The following KCNMB4 variants were observed in gnomAD, a reference collection of about 807,000 sequenced individuals.
The protein encoded by KCNMB4 is potassium calcium-activated channel subfamily M regulatory beta subunit 4.
A neutral mutation model predicts 20.7 loss-of-function variants in KCNMB4; 3 were observed. The ratio of observed to expected loss-of-function variants is 0.14; its 90% CI spans 0.07 to 0.37. The LOEUF (loss-of-function observed/expected upper bound fraction) is 0.37, where lower values mean the gene tolerates loss of function less well. Ranked by LOEUF, KCNMB4 falls within the 10% of genes least tolerant of loss-of-function variation. The probability of loss-of-function intolerance (pLI) is 1.00; values close to 1 mark genes in which losing one functional copy is unlikely to be tolerated. For synonymous variants in KCNMB4, 110 were observed against 113.4 expected (o/e 0.97, Z 0.19); for missense variants, 168 against 265.9 (o/e 0.63, Z 2.56).
chr12:70,395,342 TTAAC>T (rs1868341897), intron 1 of KCNMB4, among the ~76,000 whole-genome samples: 1 of 152,100 alleles, frequency 6.6e-6, no homozygotes, highest in African/African-American at 2.4e-5. Context: ...TCCCTGATAT[TTAAC>T]TAAGTAGACC....
intron 1 of KCNMB4, among the ~76,000 whole-genome samples, chr12:70,392,464 T>C (rs1285470642): frequency 6.6e-6 from 1 of 152,000 alleles, no homozygotes; most frequent in Non-Finnish European, 1.5e-5. Flanking sequence ...ACCCAGCAAA[T>C]GGTATACTGG....
intron 1 of KCNMB4, among the ~76,000 whole-genome samples, chr12:70,389,517 G>A (rs10784841): frequency 0.17 from 26,307 of 151,898 alleles, 2,446 homozygotes; most frequent in East Asian, 0.34. Context: ...AACATATTGA[G>A]AATCTGTCTC....
chr12:70,387,987 C>T (rs1483852404), intron 1 of KCNMB4, among the ~76,000 whole-genome samples: 6 of 152,284 alleles, frequency 3.9e-5, no homozygotes. Flanking sequence ...CACTACCCTT[C>T]CTAGCTTCTG....
chr12:70,383,531 T>C (rs922920939), intron 1 of KCNMB4, among the ~76,000 whole-genome samples: 9 of 152,212 alleles, frequency 5.9e-5, no homozygotes, highest in African/African-American at 1.9e-4. Flanking sequence ...ACGAGGTTGC[T>C]TAACTCAACA....
chr12:70,399,986 A>T (rs1343673296), intron 1 of KCNMB4, among the ~76,000 whole-genome samples: 1 of 152,102 alleles, frequency 6.6e-6, no homozygotes, highest in Non-Finnish European at 1.5e-5. Context: ...ATAATGACTG[A>T]AGTTTATTTT....
chr12:70,396,355 A>T (rs1413621377), intron 1 of KCNMB4, among the ~76,000 whole-genome samples: 2 of 152,178 alleles, frequency 1.3e-5, no homozygotes, highest in Non-Finnish European at 2.9e-5. Context: ...CCGAAGCTGG[A>T]GTGCAAGTGG....
chr12:70,403,242 T>A (rs573778386), intron 2 of KCNMB4, among the ~76,000 whole-genome samples: 2 of 152,242 alleles, frequency 1.3e-5, no homozygotes, highest in Non-Finnish European at 2.9e-5. Context: ...TTCTGAGTCA[T>A]AATATTCCAT....
intron 1 of KCNMB4, among the ~76,000 whole-genome samples, chr12:70,378,255 C>T (rs992521559): frequency 3.3e-5 from 5 of 152,126 alleles, no homozygotes; most frequent in Non-Finnish European, 7.3e-5. Context: ...CGCGCCCGGC[C>T]TTCAAGCTCT....
intron 1 of KCNMB4, among the ~76,000 whole-genome samples, chr12:70,386,376 A>G (rs1167657086): frequency 6.6e-6 from 1 of 152,152 alleles, no homozygotes; most frequent in Non-Finnish European, 1.5e-5. Flanking sequence ...ACAAATAAAG[A>G]CAAGAAAAAT....
At chr12:70,428,778 G>T (rs999682268) in intron 2 of KCNMB4, among the ~76,000 whole-genome samples, 9 of 152,146 alleles carry the variant, frequency 5.9e-5, no homozygotes, top group African/African-American at 2.2e-4. Flanking sequence ...CAGAAGAAAA[G>T]AATATATACA....
chr12:70,399,965 A>G (rs1436452784), intron 1 of KCNMB4, among the ~76,000 whole-genome samples: 1 of 152,118 alleles, frequency 6.6e-6, no homozygotes, highest in East Asian at 1.9e-4. Flanking sequence ...TTTATAAAAT[A>G]CCCTTACACC....
chr12:70,369,586 A>G (rs907266903), intron 1 of KCNMB4, among the ~76,000 whole-genome samples: 5 of 152,164 alleles, frequency 3.3e-5, no homozygotes, highest in African/African-American at 1.2e-4. Flanking sequence ...ACCACTTAGG[A>G]AATCACTTCT....
At chr12:70,371,553 G>C (rs1301573369) in intron 1 of KCNMB4, among the ~76,000 whole-genome samples, 2 of 152,198 alleles carry the variant, frequency 1.3e-5, no homozygotes, top group African/African-American at 4.8e-5. Flanking sequence ...GCAGAATTGT[G>C]ATGACTTCTT....
intron 2 of KCNMB4, among the ~76,000 whole-genome samples, chr12:70,427,268 CAG>C (rs1380620853): frequency 6.6e-6 from 1 of 152,178 alleles, no homozygotes; most frequent in Non-Finnish European, 1.5e-5. Context: ...GAAACTGAGA[CAG>C]GGGAGTGCCT....
intron 2 of KCNMB4, among the ~76,000 whole-genome samples, chr12:70,414,435 G>A (rs1456411600): frequency 6.6e-6 from 1 of 152,092 alleles, no homozygotes; most frequent in East Asian, 1.9e-4. Flanking sequence ...ACATGGCTAG[G>A]GAGGAGCAGT....
chr12:70,421,982 G>A (rs1869078518), intron 2 of KCNMB4, among the ~76,000 whole-genome samples: 1 of 151,814 alleles, frequency 6.6e-6, no homozygotes, highest in African/African-American at 2.4e-5. Context: ...GTAAGTGTGG[G>A]GAGAATAAAA....
At chr12:70,372,147 A>G (rs1883607520) in intron 1 of KCNMB4, among the ~76,000 whole-genome samples, 1 of 152,176 alleles carries the variant, frequency 6.6e-6, no homozygotes, top group Non-Finnish European at 1.5e-5. Context: ...CCCTGTGACA[A>G]GTGTCTGTGT....
chr12:70,396,914 G>A (rs1868358420), intron 1 of KCNMB4, among the ~76,000 whole-genome samples: 1 of 152,174 alleles, frequency 6.6e-6, no homozygotes, highest in Non-Finnish European at 1.5e-5. Context: ...TCTAATTTAT[G>A]TAAAAATTCT....
At chr12:70,421,231 T>C (rs10748152) in intron 2 of KCNMB4, among the ~76,000 whole-genome samples, 49,092 of 151,574 alleles carry the variant, frequency 0.32, 8,134 homozygotes, top group East Asian at 0.54. Context: ...GTCGCTCATA[T>C]CTGTAATCCC....
Sources: gnomAD v4.1 joint callset for allele counts (sites outside exome capture counted in the v4.1 genomes callset) on GRCh38, gnomAD v4.1.1 for gene constraint, MANE v1.5 for transcripts, NCBI Gene and HGNC (gene_info 2026-07-23, HGNC 2026-07-21) for gene names.